Variants in STPG2 observed in about 807,000 individuals in gnomAD.
The protein encoded by STPG2 is sperm tail PG-rich repeat containing 2, also known as sperm-tail PG-rich repeat-containing protein 2.
STPG2 carries 56 observed loss-of-function variants against 54.2 expected under a neutral mutation model. The observed-to-expected ratio is 1.03, with a 90% CI of 0.83 to 1.29. The LOEUF (loss-of-function observed/expected upper bound fraction) is 1.29. STPG2 is among the 50% of genes most tolerant of loss of function. The probability of loss-of-function intolerance (pLI) is 0.00; values close to 1 mark genes in which losing one functional copy is unlikely to be tolerated. For synonymous variants in STPG2, 200 were observed against 181.8 expected (o/e 1.10, Z -0.81); for missense variants, 596 against 544.9 (o/e 1.09, Z -0.93).
intron 8 of STPG2, among the ~76,000 whole-genome samples, chr4:97,922,454 TCTC>T (rs574760864): frequency 1.6e-3 from 243 of 152,308 alleles, no homozygotes; most frequent in Non-Finnish European, 2.9e-3. Flanking sequence ...AAAACTTGTG[TCTC>T]CTCATTTTGA....
chr4:97,687,650 A>G (rs924886576), intron 10 of STPG2, among the ~76,000 whole-genome samples: 1 of 152,208 alleles, frequency 6.6e-6, no homozygotes, highest in African/African-American at 2.4e-5. Context: ...CCATGCATTG[A>G]ATCTTAAGAT....
chr4:97,854,834 A>G (rs1193559917), intron 8 of STPG2, among the ~76,000 whole-genome samples: 1 of 152,078 alleles, frequency 6.6e-6, no homozygotes, highest in Non-Finnish European at 1.5e-5. Flanking sequence ...TGCTGAACAG[A>G]TCATCCCATC....
intron 10 of STPG2, among the ~76,000 whole-genome samples, chr4:97,595,512 T>C (rs1177549398): frequency 6.6e-6 from 1 of 151,784 alleles, no homozygotes; most frequent in Non-Finnish European, 1.5e-5. Context: ...GATGAGTTAA[T>C]GGGTACAGCA....
chr4:98,108,891 G>A (rs941125073), intron 4 of STPG2, among the ~76,000 whole-genome samples: 8 of 152,104 alleles, frequency 5.3e-5, no homozygotes, highest in African/African-American at 1.9e-4. Flanking sequence ...GGGATGGGGG[G>A]CTAGGGGAGA....
At chr4:97,588,397 T>C (rs1007101956) in intron 10 of STPG2, among the ~76,000 whole-genome samples, 1 of 152,098 alleles carries the variant, frequency 6.6e-6, no homozygotes, top group Non-Finnish European at 1.5e-5. Flanking sequence ...ATACATCCAA[T>C]TGGAAGGAGA....
At chr4:97,695,877 T>A (rs992820422) in intron 10 of STPG2, among the ~76,000 whole-genome samples, 10 of 151,956 alleles carry the variant, frequency 6.6e-5, no homozygotes, top group Admixed American at 1.3e-4. Context: ...GGAAACACAT[T>A]CCATGCCCAT....
At chr4:97,897,276 T>A (rs1730992994) in intron 8 of STPG2, among the ~76,000 whole-genome samples, 1 of 152,124 alleles carries the variant, frequency 6.6e-6, no homozygotes, top group African/African-American at 2.4e-5. Context: ...CCATGGTATA[T>A]ACGTACCCCA....
intron 9 of STPG2, among the ~76,000 whole-genome samples, chr4:97,783,428 G>A (rs1337687185): frequency 6.6e-6 from 1 of 152,158 alleles, no homozygotes; most frequent in Non-Finnish European, 1.5e-5. Context: ...GGAAACAATA[G>A]GTGCTGGAGA....
At chr4:97,757,777 T>C (rs1267021483) in intron 9 of STPG2, among the ~76,000 whole-genome samples, 1 of 152,172 alleles carries the variant, frequency 6.6e-6, no homozygotes, top group Admixed American at 6.5e-5. Flanking sequence ...TGTACATATT[T>C]AATAGAGTTG....
At chr4:98,052,629 T>C (rs904492898) in intron 5 of STPG2, among the ~76,000 whole-genome samples, 3 of 152,186 alleles carry the variant, frequency 2.0e-5, no homozygotes, top group Non-Finnish European at 4.4e-5. Context: ...AATATAAATG[T>C]GAAAATATAA....
chr4:97,630,310 T>C (rs1424407456), intron 10 of STPG2, among the ~76,000 whole-genome samples: 1 of 151,920 alleles, frequency 6.6e-6, no homozygotes, highest in East Asian at 1.9e-4. Flanking sequence ...ATTTTTAATA[T>C]ACTTTTTGTT....
intron 5 of STPG2, among the ~76,000 whole-genome samples, chr4:98,061,405 G>C (rs1242618470): frequency 2.0e-5 from 3 of 152,154 alleles, no homozygotes; most frequent in Non-Finnish European, 4.4e-5. Context: ...GGAAGAGAGA[G>C]AGTGAAGGGG....
chr4:97,456,247 C>T (rs913287386), intron 4 of STPG2, among the ~76,000 whole-genome samples: 10 of 152,062 alleles, frequency 6.6e-5, no homozygotes, highest in African/African-American at 2.2e-4. Flanking sequence ...GGAAGCATGG[C>T]TGGGAGGCCT....
At chr4:98,107,936 G>A (rs1188284882) in intron 4 of STPG2, among the ~76,000 whole-genome samples, 1 of 151,984 alleles carries the variant, frequency 6.6e-6, no homozygotes, top group African/African-American at 2.4e-5. Flanking sequence ...ATAATATTAA[G>A]TAAAGACTTA....
At chr4:97,840,674 C>A in intron 9 of STPG2, 99 bp downstream of exon 9, 1 of 1,367,588 alleles carries the variant, frequency 7.3e-7, no homozygotes, top group Admixed American at 2.4e-5. Context: ...TTTTGCTTAA[C>A]TTTTCAGTCT....
At chr4:98,071,258 G>T (rs1040750254) in intron 5 of STPG2, among the ~76,000 whole-genome samples, 1 of 151,944 alleles carries the variant, frequency 6.6e-6, no homozygotes, top group African/African-American at 2.4e-5. Flanking sequence ...TCAGAAATAA[G>T]ACTGCATACC....
chr4:97,608,773 A>G (rs953544746), intron 10 of STPG2, among the ~76,000 whole-genome samples: 1 of 152,086 alleles, frequency 6.6e-6, no homozygotes, highest in African/African-American at 2.4e-5. Context: ...AGGAAAAAGA[A>G]AAATTGTATT....
chr4:97,760,396 C>T (rs1463381839), intron 9 of STPG2, among the ~76,000 whole-genome samples: 1 of 152,088 alleles, frequency 6.6e-6, no homozygotes, highest in African/African-American at 2.4e-5. Flanking sequence ...TGAGCCAAGG[C>T]AAGATCATAT....
At chr4:98,019,427 G>A (rs1308596627) in intron 5 of STPG2, among the ~76,000 whole-genome samples, 1 of 152,026 alleles carries the variant, frequency 6.6e-6, no homozygotes, top group African/African-American at 2.4e-5. Flanking sequence ...TAACCTTGTA[G>A]TATAGTTTGA....
Sources: gnomAD v4.1 joint callset for allele counts (sites outside exome capture counted in the v4.1 genomes callset) on GRCh38, gnomAD v4.1.1 for gene constraint, MANE v1.5 for transcripts, NCBI Gene and HGNC (gene_info 2026-07-23, HGNC 2026-07-21) for gene names.